Variants in GLMN observed in about 807,000 individuals in gnomAD.
The protein encoded by GLMN is glomulin, FKBP associated protein.
GLMN carries 75 observed loss-of-function variants against 87.8 expected under a neutral mutation model. That is an observed-to-expected ratio of 0.85 (90% confidence interval 0.71 to 1.04). GLMN has a LOEUF of 1.04. GLMN is among the 50% of genes least tolerant of loss of function. GLMN has a pLI of 0.00. For missense variants in GLMN, 588 were observed against 658.8 expected, an observed-to-expected ratio of 0.89 and a Z score of 1.18; for synonymous variants, 206 against 221.6, an observed-to-expected ratio of 0.93 and a Z score of 0.63.
At chr1:92,246,893 T>G (rs1652742773) in intron 18 of GLMN, among the ~76,000 whole-genome samples, 169 bp downstream of exon 18, 1 of 152,110 alleles carries the variant, frequency 6.6e-6, no homozygotes, top group Admixed American at 6.5e-5. Context: ...CATGGTGGTG[T>G]GCACCTGCAG....
chr1:92,324,076 TTGTA>T, the GLMN span: 1 of 1,614,054 alleles, frequency 6.2e-7, no homozygotes, highest in Non-Finnish European at 8.5e-7. Context: ...ATTGAGGTTT[TTGTA>T]TGGCCAGAAT....
the GLMN span, among the ~76,000 whole-genome samples, chr1:92,329,365 G>T: frequency 6.6e-6 from 1 of 152,200 alleles, no homozygotes; most frequent in African/African-American, 2.4e-5. Flanking sequence ...GGTCACTAGG[G>T]AAGTGGGGGA....
At chr1:92,280,327 G>A (rs1459716729) in intron 7 of GLMN, among the ~76,000 whole-genome samples, 1 of 152,164 alleles carries the variant, frequency 6.6e-6, no homozygotes, top group Non-Finnish European at 1.5e-5. Flanking sequence ...CATGCAAACA[G>A]GGTCTGGAGT....
intron 16 of GLMN, among the ~76,000 whole-genome samples, chr1:92,257,264 A>G (rs1654395453): frequency 6.6e-6 from 1 of 152,232 alleles, no homozygotes; most frequent in South Asian, 2.1e-4. Flanking sequence ...ACACAAATGG[A>G]AAAACATTCC....
chr1:92,368,594 C>T, the GLMN span, among the ~76,000 whole-genome samples: 2 of 152,084 alleles, frequency 1.3e-5, no homozygotes, highest in African/African-American at 4.8e-5. Flanking sequence ...AGCTCTAAAT[C>T]CTTGGATAGA....
chr1:92,316,142 G>T, the GLMN span, among the ~76,000 whole-genome samples: 56 of 152,304 alleles, frequency 3.7e-4, no homozygotes, highest in South Asian at 0.01. Flanking sequence ...ATCAAATTAT[G>T]ATTTTAAAGA....
chr1:92,266,569 T>G (rs768198366), intron 12 of GLMN, 77 bp from the exon 13 acceptor site: 1 of 1,013,590 alleles, frequency 9.9e-7, no homozygotes, highest in Non-Finnish European at 1.5e-6. Flanking sequence ...ATTTTATGCA[T>G]GTAATACATC....
chr1:92,316,761 C>T, the GLMN span, among the ~76,000 whole-genome samples: 1 of 152,128 alleles, frequency 6.6e-6, no homozygotes. Context: ...ATTTGGATTT[C>T]ATCTAAGAAA....
At chr1:92,246,936 T>G (rs1220241161) in intron 18 of GLMN, 126 bp downstream of exon 18, 3 of 738,570 alleles carry the variant, frequency 4.1e-6, no homozygotes, top group Non-Finnish European at 7.3e-6. Flanking sequence ...GGTGGGTGGA[T>G]CACTTGAGCC....
the GLMN span, among the ~76,000 whole-genome samples, chr1:92,354,739 T>C: frequency 6.6e-6 from 1 of 152,068 alleles, no homozygotes; most frequent in Non-Finnish European, 1.5e-5. Context: ...CATAGTGACA[T>C]ACTTCTTAAT....
chr1:92,334,994 AT>A, the GLMN span, among the ~76,000 whole-genome samples: 6 of 152,096 alleles, frequency 3.9e-5, no homozygotes, highest in African/African-American at 1.4e-4. Context: ...TCTCAAAAAA[AT>A]AAATAAAAAT....
the GLMN span, among the ~76,000 whole-genome samples, chr1:92,326,615 C>G: frequency 6.6e-6 from 1 of 152,104 alleles, no homozygotes; most frequent in South Asian, 2.1e-4. Context: ...CTCAAGACTC[C>G]TTGGGCAGGG....
intron 7 of GLMN, 47 bp downstream of exon 7, chr1:92,286,443 G>T: frequency 2.2e-6 from 2 of 902,546 alleles, no homozygotes; most frequent in Non-Finnish European, 3.8e-6. Flanking sequence ...TGAGAATATA[G>T]TGGGATAACA....
the GLMN span, among the ~76,000 whole-genome samples, chr1:92,364,533 A>C: frequency 2.4e-4 from 36 of 152,104 alleles, no homozygotes; most frequent in East Asian, 6.9e-3. Flanking sequence ...CTTCATTTGG[A>C]TATCTCCCAA....
intron 16 of GLMN, among the ~76,000 whole-genome samples, chr1:92,259,859 G>A (rs763074394): frequency 1.1e-4 from 16 of 146,110 alleles, no homozygotes; most frequent in Non-Finnish European, 1.5e-4. Flanking sequence ...TCAGCCTCCC[G>A]AGTAGCTGGA....
the GLMN span, among the ~76,000 whole-genome samples, chr1:92,319,810 C>A: frequency 6.6e-6 from 1 of 152,062 alleles, no homozygotes; most frequent in African/African-American, 2.4e-5. Flanking sequence ...ACCAGCCTGA[C>A]CAACATGGAG....
chr1:92,251,377 A>ACAAATAGTG (rs1398821393), intron 16 of GLMN, among the ~76,000 whole-genome samples: 1 of 151,876 alleles, frequency 6.6e-6, no homozygotes, highest in African/African-American at 2.4e-5. Flanking sequence ...AACCTTTTCT[A>ACAAATAGTG]CAAATAGTGT....
chr1:92,340,963 A>G, the GLMN span, among the ~76,000 whole-genome samples: 1 of 152,180 alleles, frequency 6.6e-6, no homozygotes, highest in Non-Finnish European at 1.5e-5. Flanking sequence ...GAATCAAGGT[A>G]TTTCAATCTG....
the GLMN span, among the ~76,000 whole-genome samples, chr1:92,332,712 C>G: frequency 6.6e-6 from 1 of 152,078 alleles, no homozygotes; most frequent in Non-Finnish European, 1.5e-5. Flanking sequence ...CTTTCCAAGT[C>G]CTGGTCTCAT....
Sources: gnomAD v4.1 joint callset for allele counts (sites outside exome capture counted in the v4.1 genomes callset) on GRCh38, gnomAD v4.1.1 for gene constraint, MANE v1.5 for transcripts, NCBI Gene and HGNC (gene_info 2026-07-23, HGNC 2026-07-21) for gene names.